PLXDC2: variants seen among roughly 807,000 people sequenced by gnomAD.
The protein encoded by PLXDC2 is plexin domain-containing protein 2.
PLXDC2 carries 40 observed loss-of-function variants against 68.9 expected under a neutral mutation model. The observed-to-expected ratio is 0.58, with a 90% confidence interval of 0.45 to 0.76. The LOEUF is 0.76. Among genes scored for constraint, PLXDC2 ranks in the 30% least tolerant of loss-of-function variants. PLXDC2 has a pLI of 0.00. For synonymous variants in PLXDC2, 243 were observed against 234.2 expected, an observed-to-expected ratio of 1.04 and a Z score of -0.34; for missense variants, 644 against 661.9, an observed-to-expected ratio of 0.97 and a Z score of 0.30.
intron 12 of PLXDC2, among the ~76,000 whole-genome samples, chr10:20,241,191 T>C (rs919347993): frequency 1.3e-5 from 2 of 152,174 alleles, no homozygotes; most frequent in African/African-American, 4.8e-5. Context: ...GAATAAATAA[T>C]AATTGGGAGA....
chr10:19,910,591 CTTTTTT>C (rs1006322581), intron 1 of PLXDC2, among the ~76,000 whole-genome samples: 2,824 of 92,520 alleles, frequency 0.031, 46 homozygotes, highest in African/African-American at 0.046. Context: ...TAAGTGGTTG[CTTTTTT>C]TTTTTTTTTT....
In PLXDC2 at chr10:20,098,760, C is replaced by T. The variant is rs551209929; in HGVS notation, c.541+30521C>T. ...GTCTATCTCTACACTCCGTGCAGCC[C>T]TGGATGGCCCTATAATCCAATTCTG... On this transcript the variant is annotated intron_variant, in intron 4 of 13. Coordinates refer to ENST00000377252, the MANE Select transcript of PLXDC2 (RefSeq NM_032812.9). 2.0e-5 allele frequency among the ~76,000 whole-genome samples: 3 copies of T among 152,226 alleles called. No homozygotes were observed. The East Asian group carries it at 5.8e-4, about 29-fold the overall frequency.
intron 6 of PLXDC2, among the ~76,000 whole-genome samples, chr10:20,151,958 A>C (rs1834158111): frequency 6.6e-6 from 1 of 152,154 alleles, no homozygotes; most frequent in Non-Finnish European, 1.5e-5. Context: ...GGCTTGTTTT[A>C]AAATTGTAAA....
At chr10:20,239,980 A>G (rs1349815646) in intron 12 of PLXDC2, among the ~76,000 whole-genome samples, 1 of 152,084 alleles carries the variant, frequency 6.6e-6, no homozygotes, top group African/African-American at 2.4e-5. Flanking sequence ...GGTTTGTTTT[A>G]TAGGTAAATT....
chr10:20,263,936 G>T (rs1835840177), intron 13 of PLXDC2, among the ~76,000 whole-genome samples: 1 of 152,062 alleles, frequency 6.6e-6, no homozygotes, highest in African/African-American at 2.4e-5. Context: ...ACTACCATAT[G>T]ACCCAGCAAT....
At chr10:20,083,201 C>T (rs1258584974) in intron 4 of PLXDC2, among the ~76,000 whole-genome samples, 3 of 151,974 alleles carry the variant, frequency 2.0e-5, no homozygotes, top group Non-Finnish European at 4.4e-5. Context: ...TGCGGCCGGG[C>T]GGGGTGGCTC....
At chr10:19,839,208 T>A (rs1384640492) in intron 1 of PLXDC2, among the ~76,000 whole-genome samples, 2 of 150,342 alleles carry the variant, frequency 1.3e-5, no homozygotes, top group Non-Finnish European at 1.5e-5. Context: ...AAAAAAAAGT[T>A]ACTGCTCTGC....
intron 2 of PLXDC2, among the ~76,000 whole-genome samples, chr10:20,030,700 C>A (rs572230112): frequency 9.9e-5 from 15 of 152,242 alleles, no homozygotes; most frequent in African/African-American, 3.6e-4. Flanking sequence ...CTGGTTTATA[C>A]AGCTGAGCCC....
At chr10:20,116,078 T>C (rs1218287930) in intron 4 of PLXDC2, among the ~76,000 whole-genome samples, 1 of 152,224 alleles carries the variant, frequency 6.6e-6, no homozygotes, top group African/African-American at 2.4e-5. Flanking sequence ...TTCACGCTGC[T>C]CCTCTACAAA....
chr10:20,118,715 A>C (rs1328662757), intron 4 of PLXDC2, among the ~76,000 whole-genome samples: 1 of 152,236 alleles, frequency 6.6e-6, no homozygotes, highest in Non-Finnish European at 1.5e-5. Context: ...AAGGCAAAGA[A>C]GAGAAACTAA....
intron 1 of PLXDC2, among the ~76,000 whole-genome samples, chr10:19,878,224 T>G (rs918211733): frequency 6.6e-6 from 1 of 151,778 alleles, no homozygotes; most frequent in Admixed American, 6.6e-5. Context: ...TTTAAAGAGA[T>G]AGAGTCTCAC....
rs572490874 is a variant in PLXDC2 at position 20,285,667 on chromosome 10, G to C, written c.*5848G>C. 6.6e-6 allele frequency: 1 copy of C among 152,192 alleles called. No individual in the cohort carries two copies. The highest frequency in any genetic ancestry group is 2.4e-5 in the African/African-American group (1 of 41,438). The allele number at this position is 152,192 out of a possible 1,614,324, so 9.4% of individuals were successfully genotyped here. On this transcript the variant is annotated 3_prime_UTR_variant, in exon 14 of 14. Transcript: ENST00000377252. ...GCAGTCTTACTGACCAGATGCAACA[G>C]TTGAAGTTTGATTTCTCGACCCAAT... is the stretch of plus-strand genomic sequence containing the variant.
chr10:20,284,215 A>G lies in PLXDC2; in HGVS notation c.*4396A>G, dbSNP rs2119405647. ...TCCAAGTTACTGCTGCTTTTACTTC[A>G]CGACCTCCAACCCCACTTTTGTTAT... On this transcript the variant is annotated 3_prime_UTR_variant, in exon 14 of 14. Transcript: ENST00000377252. 6.6e-6 allele frequency: 1 copy of G among 151,512 alleles called. No homozygotes were observed. Among genetic ancestry groups the G allele is most frequent in the Middle Eastern group, 3.4e-3 (1 of 292 alleles). The allele number at this position is 151,512 out of a possible 1,614,324, so 9.4% of individuals were successfully genotyped here.
intron 1 of PLXDC2, among the ~76,000 whole-genome samples, chr10:19,985,402 A>G (rs1171730574): frequency 1.3e-5 from 2 of 152,214 alleles, no homozygotes; most frequent in Non-Finnish European, 2.9e-5. Flanking sequence ...CACTTTTTCT[A>G]TAGTAGAGAT....
At chr10:20,010,199 G>A (rs959825524) in intron 2 of PLXDC2, among the ~76,000 whole-genome samples, 3 of 152,094 alleles carry the variant, frequency 2.0e-5, no homozygotes, top group East Asian at 1.9e-4. Context: ...GTTGAGAATC[G>A]GCCTTGTTTC....
intron 1 of PLXDC2, among the ~76,000 whole-genome samples, chr10:19,981,105 CATT>C (rs1212797365): frequency 6.6e-6 from 1 of 152,022 alleles, no homozygotes; most frequent in African/African-American, 2.4e-5. Flanking sequence ...TTTGCTGAAC[CATT>C]ATTAAGAGTA....
At chr10:19,823,606 C>T (rs997844874) in intron 1 of PLXDC2, among the ~76,000 whole-genome samples, 7 of 151,414 alleles carry the variant, frequency 4.6e-5, no homozygotes, top group African/African-American at 7.3e-5. Flanking sequence ...TCGCTTGACC[C>T]GGGAGGTGGA....
intron 4 of PLXDC2, among the ~76,000 whole-genome samples, chr10:20,119,584 T>G (rs1213068849): frequency 6.7e-6 from 1 of 149,148 alleles, no homozygotes; most frequent in Non-Finnish European, 1.5e-5. Context: ...ATGGCTTAGC[T>G]TGGGCTCAGA....
intron 1 of PLXDC2, among the ~76,000 whole-genome samples, chr10:19,970,832 A>G (rs970630909): frequency 6.6e-6 from 1 of 152,164 alleles, no homozygotes; most frequent in Non-Finnish European, 1.5e-5. Context: ...GCAATAGAGA[A>G]CAAGCCTGGT....
Sources: gnomAD v4.1 joint callset for allele counts (sites outside exome capture counted in the v4.1 genomes callset) on GRCh38, gnomAD v4.1.1 for gene constraint, MANE v1.5 for transcripts, NCBI Gene and HGNC (gene_info 2026-07-23, HGNC 2026-07-21) for gene names.